LRBA: variants seen among roughly 807,000 people sequenced by gnomAD.
The protein encoded by LRBA is LPS responsive beige-like anchor protein, also known as lipopolysaccharide-responsive and beige-like anchor protein.
In LRBA, 176 loss-of-function variants were observed where a neutral mutation model predicts 330.0. The observed-to-expected ratio is 0.53, with a 90% confidence interval of 0.47 to 0.60. The LOEUF (loss-of-function observed/expected upper bound fraction) is 0.60, where lower values mean the gene tolerates loss of function less well. LRBA is among the 20% of genes least tolerant of loss of function. The pLI, the probability that LRBA is intolerant of heterozygous loss-of-function variation, is 0.00. For synonymous variants in LRBA, 1,230 were observed against 1,193.0 expected (o/e 1.03, Z -0.64); for missense variants, 3,259 against 3,444.8 (o/e 0.95, Z 1.35).
chr4:150,270,904 A>ACTT (rs1264673538), intron 56 of LRBA, among the ~76,000 whole-genome samples: 3 of 152,212 alleles, frequency 2.0e-5, no homozygotes, highest in Admixed American at 6.5e-5. Flanking sequence ...AGATGATGAT[A>ACTT]CTTCTTCAGG....
intron 2 of LRBA, among the ~76,000 whole-genome samples, chr4:150,991,282 G>T (rs1032939208): frequency 1.3e-5 from 2 of 152,124 alleles, no homozygotes; most frequent in African/African-American, 2.4e-5. Flanking sequence ...CAGCCACTTT[G>T]GAAAACAGTT....
chr4:150,940,834 T>G (rs949522297), intron 2 of LRBA, among the ~76,000 whole-genome samples: 2 of 152,078 alleles, frequency 1.3e-5, no homozygotes, highest in African/African-American at 2.4e-5. Flanking sequence ...TCCTACATAA[T>G]CTTTTAAGTG....
intron 50 of LRBA, among the ~76,000 whole-genome samples, chr4:150,319,977 T>G (rs949704532): frequency 1.3e-5 from 2 of 152,190 alleles, no homozygotes; most frequent in African/African-American, 4.8e-5. Context: ...ACTATTAAAA[T>G]GTATCTTTTA....
intron 13 of LRBA, among the ~76,000 whole-genome samples, chr4:150,901,791 T>C (rs1730756057): frequency 6.6e-6 from 1 of 152,184 alleles, no homozygotes; most frequent in Non-Finnish European, 1.5e-5. Flanking sequence ...ATACAATACA[T>C]TGTGATCTAC....
At chr4:151,002,245 A>C (rs1579459681) in intron 2 of LRBA, among the ~76,000 whole-genome samples, 1 of 151,202 alleles carries the variant, frequency 6.6e-6, no homozygotes, top group East Asian at 1.9e-4. Context: ...GGAACATAAT[A>C]ATTCTCCAGC....
chr4:150,806,579 T>C (rs1286680899), intron 32 of LRBA, among the ~76,000 whole-genome samples, 175 bp from the exon 33 acceptor site: 7 of 152,148 alleles, frequency 4.6e-5, no homozygotes. Flanking sequence ...TATTCGTTTT[T>C]ATCCTGATCT....
intron 13 of LRBA, among the ~76,000 whole-genome samples, chr4:150,903,847 C>T (rs924431552): frequency 2.6e-5 from 4 of 152,142 alleles, no homozygotes; most frequent in Admixed American, 1.3e-4. Flanking sequence ...CTCCAATAGC[C>T]ACACAAATTG....
At chr4:150,695,190 T>C (rs899612331) in intron 36 of LRBA, among the ~76,000 whole-genome samples, 1 of 152,196 alleles carries the variant, frequency 6.6e-6, no homozygotes, top group Non-Finnish European at 1.5e-5. Flanking sequence ...AAGAAAATAG[T>C]AATAACATAA....
Position 150,710,696 on chromosome 4 carries a change from T to C in LRBA, c.5754+24562A>G, listed in dbSNP as rs145603429. ...TTTTCAGATAATTAGCTAATCTTTATATATTACTTACATGTGAATTACTTT... is the reference window on the plus strand; with the variant it reads ...TTTTCAGATAATTAGCTAATCTTTACATATTACTTACATGTGAATTACTTT... On this transcript the variant is annotated intron_variant, in intron 36 of 56. Coordinates refer to ENST00000651943, the MANE Select transcript of LRBA (RefSeq NM_001364905.1). 2.8e-3 allele frequency among the ~76,000 whole-genome samples: 421 copies of C among 152,222 alleles called. 2 individuals carry two copies. Among genetic ancestry groups the C allele is most frequent in the African/African-American group, 7.1e-3 (294 of 41,552 alleles).
At chr4:150,902,029 AC>A (rs1322125593) in intron 13 of LRBA, among the ~76,000 whole-genome samples, 3 of 152,358 alleles carry the variant, frequency 2.0e-5, no homozygotes, top group South Asian at 2.1e-4. Context: ...GATTAAAAAA[AC>A]ACTTATATTT....
At chr4:150,700,560 C>T (rs1056925227) in intron 36 of LRBA, among the ~76,000 whole-genome samples, 3 of 152,140 alleles carry the variant, frequency 2.0e-5, no homozygotes, top group Non-Finnish European at 4.4e-5. Flanking sequence ...ATAAACCCTG[C>T]ACAGTTAGGC....
intron 37 of LRBA, among the ~76,000 whole-genome samples, chr4:150,627,662 T>C (rs932486708): frequency 1.3e-5 from 2 of 152,042 alleles, no homozygotes; most frequent in African/African-American, 2.4e-5. Flanking sequence ...TTATGCAAGG[T>C]TGGAATTAGT....
intron 2 of LRBA, among the ~76,000 whole-genome samples, chr4:151,004,223 GA>G (rs1045368737): frequency 6.6e-6 from 1 of 152,126 alleles, no homozygotes; most frequent in African/African-American, 2.4e-5. Flanking sequence ...TTTTAGTAGA[GA>G]GGGGGTTTCA....
intron 46 of LRBA, among the ~76,000 whole-genome samples, chr4:150,426,160 T>C (rs1455467997): frequency 6.6e-6 from 1 of 152,026 alleles, no homozygotes; most frequent in Non-Finnish European, 1.5e-5. Context: ...CAACTGCATA[T>C]CTGAAAGCTT....
intron 37 of LRBA, among the ~76,000 whole-genome samples, chr4:150,672,759 A>G (rs911990326): frequency 2.0e-5 from 3 of 152,168 alleles, no homozygotes; most frequent in African/African-American, 7.2e-5. Flanking sequence ...ACAATCTGTT[A>G]AATTCTAAGC....
intron 36 of LRBA, among the ~76,000 whole-genome samples, chr4:150,701,094 T>G (rs1256826632): frequency 6.6e-6 from 1 of 152,174 alleles, no homozygotes; most frequent in African/African-American, 2.4e-5. Flanking sequence ...TTTTAAATTT[T>G]GTTAAAAAGT....
rs1755608938 is a variant in LRBA at position 150,467,673 on chromosome 4, C to G, written c.6780G>C (p.Lys2260Asn). 1 of 1,537,992 alleles carries G rather than the reference C, an allele frequency of 6.5e-7. No homozygotes were observed. Among genetic ancestry groups the G allele is most frequent in the Non-Finnish European group, 9.0e-7 (1 of 1,116,112 alleles). ...TLPTNFRDLSKPIGALNPKRA... is the reference protein window; with the variant it reads ...TLPTNFRDLSNPIGALNPKRA... ...TTTCACATCATTACTGAGAAATTAC[C>G]TTGGACAAATCTCTGAAGTTGGTGG... The change falls in exon 44 of 57, where the codon AAG becomes AAC. Residue 2260 changes from lysine to asparagine, a missense_variant and splice_region_variant. Lys to Asn is a moderately conservative substitution (Grantham distance 94). Coordinates refer to ENST00000651943, the MANE Select transcript of LRBA (RefSeq NM_001364905.1).
chr4:150,970,565 ACAC>A (rs1561074361), intron 2 of LRBA: 7 of 138,344 alleles, frequency 5.1e-5, no homozygotes, highest in African/African-American at 1.9e-4. Flanking sequence ...GTACACACAC[ACAC>A]ACACACACAC....
chr4:150,589,230 T>A (rs1263728826), intron 39 of LRBA, among the ~76,000 whole-genome samples: 1 of 152,226 alleles, frequency 6.6e-6, no homozygotes, highest in African/African-American at 2.4e-5. Flanking sequence ...ATTCAGGTAA[T>A]CAATGGGTGA....
Sources: gnomAD v4.1 joint callset for allele counts (sites outside exome capture counted in the v4.1 genomes callset) on GRCh38, gnomAD v4.1.1 for gene constraint, MANE v1.5 for transcripts, NCBI Gene and HGNC (gene_info 2026-07-23, HGNC 2026-07-21) for gene names.